CLUL1: variants seen among roughly 807,000 people sequenced by gnomAD.
The protein encoded by CLUL1 is clusterin-like protein 1.
In CLUL1, 43 loss-of-function variants were observed where a neutral mutation model predicts 49.4. The observed-to-expected ratio is 0.87, with a 90% CI of 0.68 to 1.12. The LOEUF (loss-of-function observed/expected upper bound fraction) is 1.12. CLUL1 is among the 50% of genes most tolerant of loss of function. The probability of loss-of-function intolerance (pLI) is 0.00; values close to 1 mark genes in which losing one functional copy is unlikely to be tolerated. For synonymous variants in CLUL1, 192 were observed against 184.9 expected, an observed-to-expected ratio of 1.04 and a Z score of -0.31; for missense variants, 486 against 544.4, an observed-to-expected ratio of 0.89 and a Z score of 1.07.
intron 1 of CLUL1, among the ~76,000 whole-genome samples, chr18:602,081 G>A (rs4798414): frequency 6.6e-6 from 1 of 151,820 alleles, no homozygotes; most frequent in African/African-American, 2.4e-5. Flanking sequence ...ATTTAAAAGA[G>A]GTAATGAACA....
intron 6 of CLUL1, among the ~76,000 whole-genome samples, chr18:631,681 T>C (rs2073997779): frequency 6.6e-6 from 1 of 152,186 alleles, no homozygotes; most frequent in African/African-American, 2.4e-5. Flanking sequence ...GCCTCTGACT[T>C]CCAGGAGCTC....
intron 8 of CLUL1, among the ~76,000 whole-genome samples, chr18:643,947 C>T (rs560900182): frequency 2.6e-5 from 4 of 152,302 alleles, no homozygotes; most frequent in Admixed American, 1.3e-4. Flanking sequence ...AATCAGTGAA[C>T]GTAACCACTT....
At chr18:617,595 C>CAAAAA (rs11422881) in intron 2 of CLUL1, among the ~76,000 whole-genome samples, 2 of 81,994 alleles carry the variant, frequency 2.4e-5, no homozygotes, top group African/African-American at 5.2e-5. Context: ...AACTCCGTCT[C>CAAAAA]AAAAAAAAAA....
chr18:621,763 G>A (rs998486412), intron 4 of CLUL1, among the ~76,000 whole-genome samples: 1 of 152,206 alleles, frequency 6.6e-6, no homozygotes, highest in Non-Finnish European at 1.5e-5. Flanking sequence ...TGAATGAACT[G>A]AGATAAAGTC....
intron 7 of CLUL1, among the ~76,000 whole-genome samples, chr18:636,873 T>A (rs2074154006): frequency 6.6e-6 from 1 of 152,130 alleles, no homozygotes. Flanking sequence ...GTGATTTGCC[T>A]GCCTCTGCCT....
chr18:626,214 G>A (rs1170793243), intron 5 of CLUL1, among the ~76,000 whole-genome samples: 1 of 152,178 alleles, frequency 6.6e-6, no homozygotes, highest in African/African-American at 2.4e-5. Flanking sequence ...CTGGGTTCAA[G>A]TGATTCTCCT....
At chr18:626,864 T>G (rs372757937) in intron 5 of CLUL1, among the ~76,000 whole-genome samples, 8 of 70,900 alleles carry the variant, frequency 1.1e-4, no homozygotes, top group Admixed American at 6.8e-4. Flanking sequence ...CCATCTCAAA[T>G]AAGAAAGAAA....
chr18:629,996 G>T, intron 6 of CLUL1, among the ~76,000 whole-genome samples: 1 of 152,174 alleles, frequency 6.6e-6, no homozygotes. Flanking sequence ...GCAAAATAAT[G>T]ACTGCCCAAA....
intron 9 of CLUL1, among the ~76,000 whole-genome samples, chr18:645,643 A>G (rs141101621): frequency 0.014 from 2,049 of 150,604 alleles, 51 homozygotes; most frequent in African/African-American, 0.047. Flanking sequence ...AAATAAAAAA[A>G]ATTAGCCGGG....
intron 5 of CLUL1, among the ~76,000 whole-genome samples, 134 bp from the exon 6 acceptor site, chr18:626,944 AAGGAAGGAAGGAAGGAAGG>A (rs2073785873): frequency 6.6e-4 from 2 of 3,042 alleles, no homozygotes; most frequent in African/African-American, 1.3e-3. Context: ...AGAAGGAAAG[AAGGAAGGAAGGAAGGAAGG>A]AAGGAAGGAA....
intron 7 of CLUL1, among the ~76,000 whole-genome samples, chr18:634,286 C>T (rs933704067): frequency 1.6e-4 from 24 of 152,040 alleles, no homozygotes; most frequent in African/African-American, 4.1e-4. Context: ...TGTGCCACCA[C>T]GCCCGGCTAA....
chr18:639,315 C>T (rs2074260021), intron 7 of CLUL1, among the ~76,000 whole-genome samples: 1 of 151,324 alleles, frequency 6.6e-6, no homozygotes, highest in South Asian at 2.1e-4. Flanking sequence ...CCTGTAATCC[C>T]AGCTACTCAG....
chr18:625,353 A>T (rs2073651755), intron 5 of CLUL1, among the ~76,000 whole-genome samples: 1 of 152,168 alleles, frequency 6.6e-6, no homozygotes. Flanking sequence ...GTCTTCACTT[A>T]TGCATTGGTG....
At chr18:613,175 G>A (rs535149164) in intron 2 of CLUL1, 52 of 451,046 alleles carry the variant, frequency 1.2e-4, no homozygotes, top group South Asian at 8.9e-4. Context: ...TCTTGCTCTC[G>A]TTGCCCAGAC....
intron 2 of CLUL1, among the ~76,000 whole-genome samples, chr18:610,998 C>T (rs2073118167): frequency 6.6e-6 from 1 of 152,164 alleles, no homozygotes; most frequent in African/African-American, 2.4e-5. Flanking sequence ...TTCTGAGGCT[C>T]CTGTCCTACG....
At chr18:598,614 G>T in intron 1 of CLUL1, 1 of 398,538 alleles carries the variant, frequency 2.5e-6, no homozygotes, top group Non-Finnish European at 4.4e-6. Context: ...CCTGGGGTTT[G>T]TGTCACAACC....
intron 2 of CLUL1, chr18:616,624 T>TTAA: frequency 2.1e-6 from 1 of 469,086 alleles, no homozygotes; most frequent in Non-Finnish European, 2.8e-6. Context: ...AAATGTTGGG[T>TTAA]TAATAGGATT....
chr18:634,587 C>A lies in CLUL1; in HGVS notation c.994+1152C>A, dbSNP rs554115734. ...ATTAGCGCAACTCCTTCCTTCTTAC[C>A]GCAAGCAAAAAGAACCCCTGCCCCC... is the stretch of plus-strand genomic sequence containing the variant. On this transcript the variant is annotated intron_variant, in intron 7 of 9. Coordinates refer to ENST00000692774, the MANE Select transcript of CLUL1 (RefSeq NM_001393344.1). 1.4e-4 allele frequency among the ~76,000 whole-genome samples: 21 copies of A among 152,140 alleles called. No individual in the cohort carries two copies. In the South Asian group the frequency reaches 3.5e-3, roughly 26 times the overall value.
At chr18:600,474 AG>A (rs1243415784) in intron 1 of CLUL1, among the ~76,000 whole-genome samples, 25 of 152,362 alleles carry the variant, frequency 1.6e-4, no homozygotes, top group Non-Finnish European at 3.5e-4. Flanking sequence ...GTGGTACAGT[AG>A]TTGTGTCTGT....
Sources: allele counts gnomAD v4.1 joint callset (sites outside exome capture counted in the v4.1 genomes callset), GRCh38; gene constraint gnomAD v4.1.1; transcripts MANE v1.5; gene names NCBI Gene and HGNC (gene_info 2026-07-23, HGNC 2026-07-21).